CTBP2: variants seen among roughly 807,000 people sequenced by gnomAD.
CTBP2 encodes the protein C-terminal binding protein 2.
In CTBP2, 30 loss-of-function variants were observed where a neutral mutation model predicts 80.3. The observed-to-expected ratio is 0.37, with a 90% CI of 0.28 to 0.51. The LOEUF is 0.51. CTBP2 is among the 20% of genes least tolerant of loss of function. The probability of loss-of-function intolerance (pLI) is 0.93; values close to 1 mark genes in which losing one functional copy is unlikely to be tolerated. For missense variants in CTBP2, 1,212 were observed against 1,375.3 expected (o/e 0.88, Z 1.88); for synonymous variants, 594 against 587.4 (o/e 1.01, Z -0.16).
intron 1 of CTBP2, among the ~76,000 whole-genome samples, chr10:125,013,496 C>T (rs1956149277): frequency 1.3e-5 from 2 of 152,148 alleles, no homozygotes; most frequent in South Asian, 4.1e-4. Context: ...CACCAAGAAC[C>T]CAAACACACA....
At chr10:125,108,918 C>T (rs1476849988) in intron 2 of CTBP2, among the ~76,000 whole-genome samples, 1 of 152,256 alleles carries the variant, frequency 6.6e-6, no homozygotes, top group Non-Finnish European at 1.5e-5. Context: ...ATGGTGGGAA[C>T]CCCACATAAG....
chr10:125,020,282 C>G (rs1214940085), intron 1 of CTBP2, among the ~76,000 whole-genome samples: 1 of 152,096 alleles, frequency 6.6e-6, no homozygotes, highest in Non-Finnish European at 1.5e-5. Flanking sequence ...GTGGTTCTCA[C>G]AGCACTGGGT....
chr10:125,039,254 T>C, intron 2 of CTBP2, 99 bp from the exon 3 acceptor site: 1 of 510,054 alleles, frequency 2.0e-6, no homozygotes, highest in East Asian at 3.3e-5. Flanking sequence ...TAAGGGAACC[T>C]GCCATGCGGA....
chr10:125,018,544 CA>C (rs1358153296), intron 1 of CTBP2, among the ~76,000 whole-genome samples: 23 of 119,806 alleles, frequency 1.9e-4, no homozygotes, highest in African/African-American at 7.6e-4. Flanking sequence ...CAGACCAAAC[CA>C]AACCAACCAA....
chr10:125,035,273 A>T (rs1279100501), intron 3 of CTBP2, among the ~76,000 whole-genome samples: 1 of 152,144 alleles, frequency 6.6e-6, no homozygotes, highest in Admixed American at 6.5e-5. Context: ...CAACGTTCTC[A>T]TTCCTTTTAT....
At chr10:125,123,936 G>T (rs867205127) in intron 1 of CTBP2, among the ~76,000 whole-genome samples, 6 of 152,202 alleles carry the variant, frequency 3.9e-5, no homozygotes, top group Admixed American at 6.5e-5. Flanking sequence ...CAGCCCCCGG[G>T]GCAGCTCTGT....
intron 2 of CTBP2, among the ~76,000 whole-genome samples, chr10:125,099,621 A>G (rs963469318): frequency 1.3e-5 from 2 of 152,218 alleles, no homozygotes; most frequent in African/African-American, 4.8e-5. Context: ...GAAAACCATC[A>G]ACAAGTTTGT....
In CTBP2 at chr10:125,026,438, GA is replaced by G. The variant is rs1564738832; in HGVS notation, c.1321del (p.Ser441LeufsTer7). ...CGCTGTCAGGGCGCAAGGGGTGGGA[GA>G]GCTGTACCCGGAGTTGGAGGGGAAG... On this transcript the variant is annotated frameshift_variant, in exon 1 of 9. Coordinates refer to ENST00000309035, the MANE Select transcript of CTBP2 (RefSeq NM_022802.3). LOFTEE classifies it high-confidence loss of function. 1 of 1,602,650 alleles carries G rather than the reference GA, an allele frequency of 6.2e-7. No individual in the cohort carries two copies. Among genetic ancestry groups the G allele is most frequent in the East Asian group, 2.2e-5 (1 of 44,584 alleles).
At chr10:125,086,714 G>A (rs73377252) in intron 2 of CTBP2, among the ~76,000 whole-genome samples, 4,716 of 151,254 alleles carry the variant, frequency 0.031, 246 homozygotes, top group African/African-American at 0.11. Flanking sequence ...ATCAGACATC[G>A]AATCTGCTGG....
intron 2 of CTBP2, among the ~76,000 whole-genome samples, chr10:125,047,414 G>C (rs1016911360): frequency 3.9e-5 from 6 of 152,230 alleles, no homozygotes; most frequent in Non-Finnish European, 8.8e-5. Context: ...GTTACATACA[G>C]TGTGCAAGAA....
chr10:125,038,275 G>C (rs1959083633), intron 3 of CTBP2, among the ~76,000 whole-genome samples: 1 of 152,080 alleles, frequency 6.6e-6, no homozygotes, highest in East Asian at 1.9e-4. Context: ...GGTGCAGAGG[G>C]GGCTGCGGAG....
At chr10:125,079,877 C>T (rs1021246485) in intron 2 of CTBP2, among the ~76,000 whole-genome samples, 9 of 152,186 alleles carry the variant, frequency 5.9e-5, no homozygotes, top group African/African-American at 1.9e-4. Context: ...ACCACTTCCA[C>T]GATTAAGCAC....
At chr10:125,050,173 T>C (rs1211316419) in intron 2 of CTBP2, among the ~76,000 whole-genome samples, 3 of 152,186 alleles carry the variant, frequency 2.0e-5, no homozygotes, top group Admixed American at 6.5e-5. Flanking sequence ...CTTACAAGTA[T>C]ACACATTCCA....
intron 8 of CTBP2, among the ~76,000 whole-genome samples, chr10:124,991,606 GGACATGTGGCTGGA>G (rs1952628524): frequency 6.6e-6 from 1 of 152,128 alleles, no homozygotes; most frequent in Non-Finnish European, 1.5e-5. Flanking sequence ...CTACAGCAGG[GGACATGTGGCTGGA>G]GACATTCTCA....
chr10:125,031,053 G>T (rs180883572), upstream of CTBP2, among the ~76,000 whole-genome samples: 3 of 152,062 alleles, frequency 2.0e-5, no homozygotes, highest in African/African-American at 7.2e-5. Context: ...AGAAGTTAGC[G>T]GGTAACACGG....
At chr10:125,056,192 A>AATG (rs1358807084) in intron 2 of CTBP2, among the ~76,000 whole-genome samples, 1 of 148,698 alleles carries the variant, frequency 6.7e-6, no homozygotes, top group Non-Finnish European at 1.5e-5. Context: ...TAATAATAAT[A>AATG]ATAGTAATAA....
At chr10:125,041,693 A>C (rs1184140806) in intron 2 of CTBP2, among the ~76,000 whole-genome samples, 1 of 152,092 alleles carries the variant, frequency 6.6e-6, no homozygotes, top group African/African-American at 2.4e-5. Context: ...TTAATCAGTT[A>C]ATTTTTGTGA....
chr10:125,075,298 C>A (rs1421331596), intron 2 of CTBP2, among the ~76,000 whole-genome samples: 1 of 152,150 alleles, frequency 6.6e-6, no homozygotes, highest in African/African-American at 2.4e-5. Context: ...GAAACTTAAT[C>A]CCCCATCATT....
intron 2 of CTBP2, among the ~76,000 whole-genome samples, chr10:125,080,791 T>C (rs916554167): frequency 6.6e-6 from 1 of 152,080 alleles, no homozygotes. Context: ...TCTGACCTGA[T>C]AGGAGTCTCT....
Sources: gnomAD v4.1 joint callset for allele counts (sites outside exome capture counted in the v4.1 genomes callset) on GRCh38, gnomAD v4.1.1 for gene constraint, MANE v1.5 for transcripts, NCBI Gene and HGNC (gene_info 2026-07-23, HGNC 2026-07-21) for gene names.